CELF1: variants seen among roughly 807,000 people sequenced by gnomAD.
The protein encoded by CELF1 is CUGBP Elav-like family member 1.
In CELF1, 10 loss-of-function variants were observed where a neutral mutation model predicts 61.8. That is an observed-to-expected ratio of 0.16 (90% CI 0.10 to 0.27). The LOEUF is 0.27. CELF1 is among the 10% of genes least tolerant of loss of function. The pLI is 1.00. For missense variants in CELF1, 380 were observed against 639.1 expected (o/e 0.59, Z 4.37); for synonymous variants, 236 against 225.1 (o/e 1.05, Z -0.43).
rs1036996044 is a variant in CELF1 at position 47,512,527 on chromosome 11, A to T, written c.-153-11595T>A. Among the ~76,000 whole-genome samples the T allele has an allele frequency of 2.0e-5, 3 of 149,156 alleles. No homozygotes were observed. The East Asian group carries it at 5.9e-4, about 29-fold the overall frequency. ...AATTTTTTTTGTATTTTTAGTAGAGACAGAGTCTGGCCATGTTAGCCAGGG... is the reference window on the plus strand; with the variant it reads ...AATTTTTTTTGTATTTTTAGTAGAGTCAGAGTCTGGCCATGTTAGCCAGGG... On this transcript the variant is annotated intron_variant, in intron 1 of 14. Coordinates refer to ENST00000687097, the MANE Select transcript of CELF1 (RefSeq NM_001376376.1).
At chr11:47,496,657 G>A (rs2093162039) in intron 3 of CELF1, among the ~76,000 whole-genome samples, 2 of 152,186 alleles carry the variant, frequency 1.3e-5, no homozygotes, top group African/African-American at 4.8e-5. Context: ...TACGTGGCAT[G>A]GAGGAAAGAG....
chr11:47,495,187 G>A (rs2092835971), intron 3 of CELF1, among the ~76,000 whole-genome samples: 1 of 152,202 alleles, frequency 6.6e-6, no homozygotes, highest in African/African-American at 2.4e-5. Flanking sequence ...GATAGCATGG[G>A]TTAAATGGAG....
Position 47,476,974 on chromosome 11 carries a change from G to A in CELF1, c.974-15C>T. On this transcript the variant is annotated splice_polypyrimidine_tract_variant and intron_variant, in intron 11 of 14. Transcript: ENST00000687097. The stretch of plus-strand genomic sequence containing the variant: ...TGAGGACCCTGCTATTAGAAAGCAA[G>A]GAGTTAAAATTCAACCCATCACTGG... 4 of 1,602,632 alleles carry A rather than the reference G, an allele frequency of 2.5e-6. No homozygotes were observed. Among genetic ancestry groups the A allele is most frequent in the Non-Finnish European group, 3.4e-6 (4 of 1,169,592 alleles).
chr11:47,499,420 T>G (rs1332366845), intron 3 of CELF1, 33 bp downstream of exon 3: 1 of 1,499,646 alleles, frequency 6.7e-7, no homozygotes, highest in Admixed American at 2.0e-5. Context: ...GTTCCTCTGC[T>G]TATGATAAAA....
intron 2 of CELF1, among the ~76,000 whole-genome samples, chr11:47,562,706 T>C (rs1457419421): frequency 1.3e-5 from 2 of 150,662 alleles, no homozygotes; most frequent in South Asian, 4.2e-4. Flanking sequence ...TTTTTTGTTT[T>C]GTTTTGTTTT....
At chr11:47,483,247 AAAGT>A (rs1260108808) in intron 8 of CELF1, among the ~76,000 whole-genome samples, 1 of 152,156 alleles carries the variant, frequency 6.6e-6, no homozygotes, top group Non-Finnish European at 1.5e-5. Flanking sequence ...CCCAGGTGAC[AAAGT>A]AAGACCCCAT....
At chr11:47,542,592 G>T (rs2096837503) in intron 1 of CELF1, among the ~76,000 whole-genome samples, 1 of 151,078 alleles carries the variant, frequency 6.6e-6, no homozygotes, top group Non-Finnish European at 1.5e-5. Context: ...TCACCTCCTG[G>T]GTTCAAGCCA....
chr11:47,527,535 G>A (rs1444147112), intron 1 of CELF1, among the ~76,000 whole-genome samples: 1 of 152,022 alleles, frequency 6.6e-6, no homozygotes, highest in Non-Finnish European at 1.5e-5. Flanking sequence ...TACACCCTGG[G>A]CAACACAGAC....
chr11:47,544,361 T>C (rs926641936), intron 1 of CELF1, among the ~76,000 whole-genome samples: 1 of 152,176 alleles, frequency 6.6e-6, no homozygotes, highest in African/African-American at 2.4e-5. Context: ...GTGCCTAGCA[T>C]AAGTTACCTC....
chr11:47,545,262 T>A (rs2096903163), intron 1 of CELF1, among the ~76,000 whole-genome samples: 2 of 152,078 alleles, frequency 1.3e-5, no homozygotes, highest in African/African-American at 4.8e-5. Context: ...AAACCCCATC[T>A]CTACTAAAAA....
Position 47,489,015 on chromosome 11 carries a change from T to A in CELF1, c.81A>T (p.Lys27Asn), listed in dbSNP as rs2089466216. 6.3e-7 allele frequency: 1 copy of A among 1,585,552 alleles called. No individual in the cohort carries two copies. The highest frequency in any genetic ancestry group is 8.5e-7 in the Non-Finnish European group (1 of 1,170,962). Residue 27 changes from lysine (K) to asparagine (N), a missense_variant, in exon 4 of 15, where the codon AAA becomes AAT. By Grantham distance (94) the Lys-to-Asn change is moderately conservative. Coordinates refer to ENST00000687097, the MANE Select transcript of CELF1 (RefSeq NM_001376376.1). ...CTGGGTGGTCCAGGGTGCCGTTCAT[T>A]TTCTTTGAGCTGTGTGAGATAAAAT... is the stretch of plus-strand genomic sequence containing the variant. ...CSLNSSPVSK[K>N]MNGTLDHPDQ...
chr11:47,558,709 TA>T (rs1565921826), intron 2 of CELF1, among the ~76,000 whole-genome samples: 5 of 105,378 alleles, frequency 4.7e-5, no homozygotes, highest in Non-Finnish European at 7.1e-5. Context: ...TGTCATAATA[TA>T]TAATATTATG....
chr11:47,546,277 G>A (rs12280219), intron 1 of CELF1, among the ~76,000 whole-genome samples: 2 of 142,716 alleles, frequency 1.4e-5, no homozygotes, highest in African/African-American at 5.2e-5. Flanking sequence ...GGGCGGGGGC[G>A]GGGGAGGGAA....
At position 47,472,360 on chromosome 11, in the gene CELF1, G is replaced by GT. The variant is rs1001945409; in HGVS notation, c.1418-4dup. 1.9e-6 allele frequency: 3 copies of GT among 1,613,508 alleles called. No individual in the cohort carries two copies. The African/African-American group carries it at 4.0e-5, about 22-fold the overall frequency. On this transcript the variant is annotated splice_polypyrimidine_tract_variant and splice_region_variant and intron_variant, in intron 14 of 14. Transcript: ENST00000687097. ...AGGATTGTCGTAACTTACAAAACCT[G>GT]TGTGTCCAAGCAGAAACCTAGGTGA... is the stretch of plus-strand genomic sequence containing the variant.
intron 12 of CELF1, 81 bp from the exon 13 acceptor site, chr11:47,475,602 A>C: frequency 6.9e-7 from 1 of 1,439,338 alleles, no homozygotes. Flanking sequence ...GACATCTAGA[A>C]GAGGGAAAAC....
At chr11:47,476,336 C>T (rs1204579464) in intron 12 of CELF1, among the ~76,000 whole-genome samples, 2 of 152,204 alleles carry the variant, frequency 1.3e-5, no homozygotes, top group Admixed American at 6.5e-5. Flanking sequence ...ATTATTCCCA[C>T]TTCAAAGATG....
At chr11:47,489,935 G>GTTTTTTTGTTTTTTTTTTTTTTTTTTT (rs2090255781) in intron 3 of CELF1, among the ~76,000 whole-genome samples, 1 of 48,226 alleles carries the variant, frequency 2.1e-5, no homozygotes, top group Non-Finnish European at 3.9e-5. Context: ...ATACCATCTT[G>GTTTTTTTGTTTTTTTTTTTTTTTTTTT]TTTTTTTTTT....
intron 3 of CELF1, among the ~76,000 whole-genome samples, 168 bp downstream of exon 3, chr11:47,499,285 T>G (rs535280852): frequency 6.6e-6 from 1 of 152,300 alleles, no homozygotes; most frequent in Admixed American, 6.5e-5. Flanking sequence ...TAAGCAGTAA[T>G]GAGACAGACT....
chr11:47,475,527 T>G lies in CELF1; in HGVS notation c.1088-6A>C. 1 of 1,613,638 alleles carries G rather than the reference T, an allele frequency of 6.2e-7. No individual in the cohort carries two copies. Among genetic ancestry groups the G allele is most frequent in the Middle Eastern group, 1.7e-4 (1 of 5,842 alleles). On this transcript the variant is annotated splice_polypyrimidine_tract_variant and splice_region_variant and intron_variant, in intron 12 of 14. Coordinates refer to ENST00000687097, the MANE Select transcript of CELF1 (RefSeq NM_001376376.1). Reference sequence around the variant, plus strand: ...ACCATTTAAAGCAGCCATTCCTTGGTTGGAGGAAGAGAAGGATTAATATAC... The same window carrying G: ...ACCATTTAAAGCAGCCATTCCTTGGGTGGAGGAAGAGAAGGATTAATATAC...
Sources: gnomAD v4.1 joint callset for allele counts (sites outside exome capture counted in the v4.1 genomes callset) on GRCh38, gnomAD v4.1.1 for gene constraint, MANE v1.5 for transcripts, NCBI Gene and HGNC (gene_info 2026-07-23, HGNC 2026-07-21) for gene names.